The following HTR4 variants were observed in gnomAD, a reference collection of about 807,000 sequenced individuals.
HTR4 encodes the protein 5-hydroxytryptamine (serotonin) receptor 4, G protein-coupled.
A neutral mutation model predicts 36.8 loss-of-function variants in HTR4; 16 were observed. That is an observed-to-expected ratio of 0.43 (90% confidence interval 0.29 to 0.66). The LOEUF (loss-of-function observed/expected upper bound fraction) is 0.66. Among genes scored for constraint, HTR4 ranks in the 30% least tolerant of loss-of-function variants. The pLI, the probability that HTR4 is intolerant of heterozygous loss-of-function variation, is 0.13. For synonymous variants in HTR4, 189 were observed against 185.1 expected (o/e 1.02, Z -0.17); for missense variants, 438 against 490.9 (o/e 0.89, Z 1.02).
chr5:148,654,096 C>A lies in HTR4; in HGVS notation c.-82G>T. On this transcript the variant is annotated 5_prime_UTR_variant, in exon 1 of 7. Transcript: ENST00000377888. ...GAGGCGAGGGAGCGAGGTGCCCTGGCAGATTCGAGCGGCCACCCCCAGCCG... is the reference window on the plus strand; with the variant it reads ...GAGGCGAGGGAGCGAGGTGCCCTGGAAGATTCGAGCGGCCACCCCCAGCCG... 1 of 985,394 alleles carries A rather than the reference C, an allele frequency of 1.0e-6. No homozygotes were observed. 61.0% of individuals were successfully genotyped at this position (985,394 alleles called of 1,614,324 possible).
At chr5:148,455,765 A>C (rs999360744) in intron 5 of HTR4, among the ~76,000 whole-genome samples, 5 of 152,212 alleles carry the variant, frequency 3.3e-5, no homozygotes, top group Admixed American at 2.0e-4. Flanking sequence ...CTGATAACAT[A>C]GTCAGTTAAT....
At chr5:148,545,694 G>A (rs1759354749) in intron 4 of HTR4, among the ~76,000 whole-genome samples, 1 of 152,190 alleles carries the variant, frequency 6.6e-6, no homozygotes, top group Non-Finnish European at 1.5e-5. Context: ...GAGAGCCCTG[G>A]AGAACTAGAA....
intron 2 of HTR4, among the ~76,000 whole-genome samples, chr5:148,586,584 C>A (rs1004977050): frequency 1.3e-5 from 2 of 152,040 alleles, no homozygotes; most frequent in African/African-American, 4.8e-5. Flanking sequence ...TAGGGGAAAC[C>A]ACTTCCAGGA....
chr5:148,571,401 C>A (rs1760672763), intron 2 of HTR4, among the ~76,000 whole-genome samples: 1 of 151,984 alleles, frequency 6.6e-6, no homozygotes, highest in African/African-American at 2.4e-5. Context: ...TGTAGATGAG[C>A]CTAGCATTTA....
intron 5 of HTR4, among the ~76,000 whole-genome samples, chr5:148,516,414 G>C (rs1313538982): frequency 6.7e-6 from 1 of 149,624 alleles, no homozygotes; most frequent in African/African-American, 2.5e-5. Flanking sequence ...CCACCTCATG[G>C]GTTCAAGCGA....
chr5:148,609,678 G>T (rs1169724714), intron 2 of HTR4, among the ~76,000 whole-genome samples: 1 of 150,788 alleles, frequency 6.6e-6, no homozygotes, highest in Non-Finnish European at 1.5e-5. Flanking sequence ...CCATTCTCCT[G>T]CCTCAGCCTC....
At chr5:148,546,415 G>A (rs1014210294) in intron 4 of HTR4, among the ~76,000 whole-genome samples, 1 of 152,096 alleles carries the variant, frequency 6.6e-6, no homozygotes, top group African/African-American at 2.4e-5. Context: ...TTAAAAGCTG[G>A]GATTTGAACC....
intron 6 of HTR4, among the ~76,000 whole-genome samples, chr5:148,502,674 C>T (rs886373169): frequency 6.6e-6 from 1 of 151,744 alleles, no homozygotes; most frequent in Non-Finnish European, 1.5e-5. Flanking sequence ...TGAGAGAAGG[C>T]CTCAGATGAT....
In HTR4 at chr5:148,505,048, G is replaced by A. The variant is rs540957577; in HGVS notation, c.1076+4408C>T. ...TCCAGGATCAGATGGATTCACAGTC[G>A]AATTCTACCAGAGGTACAAGGAGGA... On this transcript the variant is annotated intron_variant, in intron 6 of 6. Transcript: ENST00000377888. 1.1e-3 allele frequency among the ~76,000 whole-genome samples: 175 copies of A among 152,198 alleles called. 1 individual carries two copies. The highest frequency in any genetic ancestry group is 2.0e-3 in the Non-Finnish European group (134 of 68,006).
At chr5:148,623,017 G>A (rs538208402) in intron 2 of HTR4, among the ~76,000 whole-genome samples, 26 of 152,226 alleles carry the variant, frequency 1.7e-4, no homozygotes, top group African/African-American at 6.3e-4. Context: ...GAAAAAGAAG[G>A]GGTAGAAAAT....
At chr5:148,647,407 G>A (rs1753903535) in intron 1 of HTR4, among the ~76,000 whole-genome samples, 1 of 152,192 alleles carries the variant, frequency 6.6e-6, no homozygotes, top group African/African-American at 2.4e-5. Flanking sequence ...TTGGAAGGTG[G>A]ACTATTTTTT....
chr5:148,500,693 G>A (rs1051386033), intron 6 of HTR4, among the ~76,000 whole-genome samples: 3 of 151,466 alleles, frequency 2.0e-5, no homozygotes, highest in Admixed American at 6.6e-5. Context: ...CACAAAAAGG[G>A]CCAAACACAT....
At chr5:148,637,291 T>C (rs7718611) in intron 1 of HTR4, among the ~76,000 whole-genome samples, 1,894 of 152,296 alleles carry the variant, frequency 0.012, 45 homozygotes, top group African/African-American at 0.043. Context: ...TTAAAACATA[T>C]GGGTGCTTCT....
chr5:148,491,987 G>C (rs1206768066), intron 6 of HTR4, among the ~76,000 whole-genome samples: 1 of 152,192 alleles, frequency 6.6e-6, no homozygotes, highest in East Asian at 1.9e-4. Flanking sequence ...GAGGCCCCAG[G>C]TGGCTGTAAT....
intron 2 of HTR4, chr5:148,629,852 A>G (rs972784190): frequency 6.6e-6 from 1 of 152,184 alleles, no homozygotes; most frequent in African/African-American, 2.4e-5. Context: ...ATGCACTTAT[A>G]TCAATCAATG....
chr5:148,583,818 G>T (rs544958205), intron 2 of HTR4, among the ~76,000 whole-genome samples: 3 of 151,916 alleles, frequency 2.0e-5, no homozygotes, highest in Non-Finnish European at 4.4e-5. Flanking sequence ...GTCATTTTTC[G>T]GCTGCTTTTT....
intron 2 of HTR4, among the ~76,000 whole-genome samples, chr5:148,578,747 A>T (rs1761024701): frequency 6.6e-6 from 1 of 152,030 alleles, no homozygotes; most frequent in South Asian, 2.1e-4. Context: ...ACGTCTTAGG[A>T]TTGTTTGAGG....
chr5:148,634,166 C>T lies in HTR4; in HGVS notation c.26+2823G>A, dbSNP rs137919004. On this transcript the variant is annotated intron_variant, in intron 2 of 6. Transcript: ENST00000377888. ...GACATCTGGGGAAAATTGACTGGAG[C>T]CCCTCAATTCTAGAGCTTGTGGAAG... Among the ~76,000 whole-genome samples the T allele has an allele frequency of 2.6e-5, 4 of 152,210 alleles. No homozygotes were observed. The East Asian group carries it at 7.7e-4, about 29-fold the overall frequency.
At chr5:148,590,124 T>C (rs1761502539) in intron 2 of HTR4, among the ~76,000 whole-genome samples, 1 of 152,144 alleles carries the variant, frequency 6.6e-6, no homozygotes, top group African/African-American at 2.4e-5. Context: ...ATTACAATTT[T>C]TGTGTTTTGT....
Sources: allele counts gnomAD v4.1 joint callset (sites outside exome capture counted in the v4.1 genomes callset), GRCh38; gene constraint gnomAD v4.1.1; transcripts MANE v1.5; gene names NCBI Gene and HGNC (gene_info 2026-07-23, HGNC 2026-07-21).